Variants in RYR2 observed in about 807,000 individuals in gnomAD.
The protein encoded by RYR2 is ryanodine receptor 2, also known as cardiac muscle ryanodine receptor-calcium release channel.
RYR2 carries 227 observed loss-of-function variants against 601.1 expected under a neutral mutation model. That is an observed-to-expected ratio of 0.38 (90% confidence interval 0.34 to 0.42). The LOEUF is 0.42. Among genes scored for constraint, RYR2 ranks in the 10% least tolerant of loss-of-function variants. The probability of loss-of-function intolerance (pLI) is 1.00; values close to 1 mark genes in which losing one functional copy is unlikely to be tolerated. For missense variants in RYR2, 4,646 were observed against 6,156.5 expected, an observed-to-expected ratio of 0.75 and a Z score of 8.21; for synonymous variants, 2,223 against 2,175.1, an observed-to-expected ratio of 1.02 and a Z score of -0.61.
chr1:237,335,576 T>A (rs1009664088), intron 3 of RYR2, among the ~76,000 whole-genome samples: 6 of 152,176 alleles, frequency 3.9e-5, no homozygotes, highest in African/African-American at 1.2e-4. Flanking sequence ...ACACGTTGAG[T>A]GTCCTTTCTG....
At position 237,442,895 on chromosome 1, in the gene RYR2, G is replaced by A. The variant is rs114364933; in HGVS notation, c.1170+1412G>A. Among the ~76,000 whole-genome samples the A allele has an allele frequency of 6.1e-3, 928 of 152,240 alleles. 8 individuals carry two copies. Among genetic ancestry groups the A allele is most frequent in the African/African-American group, 0.021 (889 of 41,532 alleles). On this transcript the variant is annotated intron_variant, in intron 13 of 104. Coordinates refer to ENST00000366574, the MANE Select transcript of RYR2 (RefSeq NM_001035.3). Reference sequence around the variant, plus strand: ...TCGAACTAGATGAACACAATTTTTAGTTTTGTTTAACTTTAATTAAATTTT... The same window carrying A: ...TCGAACTAGATGAACACAATTTTTAATTTTGTTTAACTTTAATTAAATTTT...
At chr1:237,644,019 C>T (rs1354972151) in intron 48 of RYR2, among the ~76,000 whole-genome samples, 1 of 152,162 alleles carries the variant, frequency 6.6e-6, no homozygotes, top group Admixed American at 6.5e-5. Flanking sequence ...GAAGCAGAAA[C>T]ATGCACTGCT....
rs1436482131 is a variant in RYR2 at position 237,680,582 on chromosome 1, A to G, written c.9017+5A>G. The G allele has an allele frequency of 6.3e-7, 1 of 1,592,722 alleles. No individual in the cohort carries two copies. The highest frequency in any genetic ancestry group is 8.6e-7 in the Non-Finnish European group (1 of 1,169,032). ...AGAGAAAGAAATGGTGACTAGGTAA[A>G]CAGCTATAAAAATAAGCACTGTTGT... On this transcript the variant is annotated splice_donor_5th_base_variant and intron_variant, in intron 62 of 104. Coordinates refer to ENST00000366574, the MANE Select transcript of RYR2 (RefSeq NM_001035.3).
intron 38 of RYR2, among the ~76,000 whole-genome samples, chr1:237,620,621 T>G (rs1678974225): frequency 6.6e-6 from 1 of 152,016 alleles, no homozygotes; most frequent in Admixed American, 6.6e-5. Flanking sequence ...TATGTATTAT[T>G]AAAATATTAA....
At chr1:237,662,477 G>C (rs1361502834) in intron 56 of RYR2, among the ~76,000 whole-genome samples, 1 of 93,488 alleles carries the variant, frequency 1.1e-5, no homozygotes, top group East Asian at 2.4e-4. Flanking sequence ...ACACAGTATA[G>C]AGAAAGGGAT....
intron 11 of RYR2, among the ~76,000 whole-genome samples, chr1:237,418,023 A>G (rs866553999): frequency 2.6e-5 from 4 of 152,008 alleles, no homozygotes; most frequent in African/African-American, 7.2e-5. Flanking sequence ...TTACTCTAGT[A>G]TAACTATATT....
At chr1:237,546,263 A>G (rs1415791334) in intron 25 of RYR2, among the ~76,000 whole-genome samples, 3 of 152,256 alleles carry the variant, frequency 2.0e-5, no homozygotes, top group African/African-American at 7.2e-5. Flanking sequence ...AAATTGAATG[A>G]CATAGATCAG....
At chr1:237,175,333 T>C (rs958269656) in intron 1 of RYR2, among the ~76,000 whole-genome samples, 2 of 152,156 alleles carry the variant, frequency 1.3e-5, no homozygotes, top group Non-Finnish European at 2.9e-5. Flanking sequence ...CATCTTAAAA[T>C]AGCAAAAAAT....
chr1:237,243,930 T>A (rs545602566), intron 1 of RYR2, among the ~76,000 whole-genome samples: 1 of 152,192 alleles, frequency 6.6e-6, no homozygotes, highest in Non-Finnish European at 1.5e-5. Flanking sequence ...AGCTGTGAGA[T>A]AGGCAGAGAG....
chr1:237,138,110 T>C (rs1254332809), intron 1 of RYR2, among the ~76,000 whole-genome samples: 1 of 152,142 alleles, frequency 6.6e-6, no homozygotes, highest in Non-Finnish European at 1.5e-5. Flanking sequence ...CGGCTTACTG[T>C]AGCTTCTGCC....
chr1:237,701,423 C>T (rs567625148), intron 65 of RYR2, among the ~76,000 whole-genome samples: 17 of 151,952 alleles, frequency 1.1e-4, no homozygotes, highest in African/African-American at 3.6e-4. Context: ...CCCAGCTACT[C>T]GGGAGGCTGA....
intron 4 of RYR2, among the ~76,000 whole-genome samples, chr1:237,361,674 C>T (rs1047741699): frequency 1.1e-4 from 16 of 152,052 alleles, no homozygotes; most frequent in East Asian, 3.9e-4. Context: ...TTTTTAGAAG[C>T]GTTCCTTTTT....
At chr1:237,368,797 ACGTTTATT>A (rs1226892012) in intron 5 of RYR2, among the ~76,000 whole-genome samples, 1 of 132,838 alleles carries the variant, frequency 7.5e-6, no homozygotes, top group Non-Finnish European at 1.6e-5. Context: ...CGTTGAATCA[ACGTTTATT>A]TATTTATTTA....
intron 25 of RYR2, among the ~76,000 whole-genome samples, chr1:237,532,024 T>A (rs937603225): frequency 6.6e-6 from 1 of 152,170 alleles, no homozygotes; most frequent in Non-Finnish European, 1.5e-5. Flanking sequence ...TTGAGTACTC[T>A]ATCCTACATT....
At chr1:237,795,707 T>C (rs1659035113) in intron 96 of RYR2, among the ~76,000 whole-genome samples, 1 of 151,762 alleles carries the variant, frequency 6.6e-6, no homozygotes, top group Non-Finnish European at 1.5e-5. Context: ...CGCCTTGACC[T>C]ACCAAAGTGC....
intron 86 of RYR2, among the ~76,000 whole-genome samples, chr1:237,772,562 T>C (rs567584010): frequency 6.6e-6 from 1 of 152,330 alleles, no homozygotes; most frequent in South Asian, 2.1e-4. Flanking sequence ...ACCACATTGC[T>C]TAAAAATCTC....
At chr1:237,646,047 T>G (rs1558132713) in intron 48 of RYR2, among the ~76,000 whole-genome samples, 1 of 151,898 alleles carries the variant, frequency 6.6e-6, no homozygotes, top group Non-Finnish European at 1.5e-5. Context: ...CGGCTAATTC[T>G]TTTGTATTTT....
chr1:237,603,922 C>T (rs1036341278), intron 35 of RYR2, among the ~76,000 whole-genome samples: 4 of 152,172 alleles, frequency 2.6e-5, no homozygotes, highest in African/African-American at 9.7e-5. Context: ...ATTCATAAAG[C>T]AAGTCCTTAG....
intron 13 of RYR2, among the ~76,000 whole-genome samples, chr1:237,443,553 CT>C (rs1708093591): frequency 6.6e-6 from 1 of 152,146 alleles, no homozygotes; most frequent in Non-Finnish European, 1.5e-5. Context: ...GTAAACCCTA[CT>C]TGACCATAGT....
Sources: allele counts gnomAD v4.1 joint callset (sites outside exome capture counted in the v4.1 genomes callset), GRCh38; gene constraint gnomAD v4.1.1; transcripts MANE v1.5; gene names NCBI Gene and HGNC (gene_info 2026-07-23, HGNC 2026-07-21).